SBF2: variants seen among roughly 807,000 people sequenced by gnomAD.
SBF2 encodes SET binding factor 2.
Under a neutral mutation model 225.2 loss-of-function variants are expected in SBF2, and 112 were observed. The ratio of observed to expected loss-of-function variants is 0.50; its 90% CI spans 0.43 to 0.58. SBF2 has a LOEUF of 0.58. SBF2 is among the 20% of genes least tolerant of loss of function. The pLI, the probability that SBF2 is intolerant of heterozygous loss-of-function variation, is 0.00. For synonymous variants in SBF2, 763 were observed against 773.3 expected (o/e 0.99, Z 0.22); for missense variants, 1,996 against 2,206.2 (o/e 0.90, Z 1.91).
intron 17 of SBF2, among the ~76,000 whole-genome samples, chr11:9,884,682 A>G (rs1208891765): frequency 6.6e-6 from 1 of 152,116 alleles, no homozygotes; most frequent in African/African-American, 2.4e-5. Flanking sequence ...GCTGACTAGA[A>G]CCTTGGCTCA....
At chr11:10,226,020 G>A (rs2135418709) in intron 1 of SBF2, among the ~76,000 whole-genome samples, 1 of 152,134 alleles carries the variant, frequency 6.6e-6, no homozygotes, top group East Asian at 1.9e-4. Flanking sequence ...ACACATATAA[G>A]CCTGTTTACT....
intron 34 of SBF2, among the ~76,000 whole-genome samples, chr11:9,790,169 A>G (rs958273673): frequency 6.6e-6 from 1 of 152,236 alleles, no homozygotes; most frequent in Non-Finnish European, 1.5e-5. Flanking sequence ...TGCTTCCTAC[A>G]GGGGTCCTTC....
intron 1 of SBF2, among the ~76,000 whole-genome samples, chr11:10,249,235 C>CA (rs144334000): frequency 1.3e-5 from 2 of 151,578 alleles, no homozygotes; most frequent in East Asian, 3.9e-4. Flanking sequence ...TGCTCTTTAA[C>CA]AAAAAAAATT....
At chr11:9,844,038 A>T (rs1055353397) in intron 24 of SBF2, among the ~76,000 whole-genome samples, 1 of 152,240 alleles carries the variant, frequency 6.6e-6, no homozygotes, top group African/African-American at 2.4e-5. Flanking sequence ...TTCTGAAACT[A>T]ATATAAATAT....
intron 1 of SBF2, among the ~76,000 whole-genome samples, chr11:10,228,264 C>G (rs1178164896): frequency 6.6e-6 from 1 of 152,194 alleles, no homozygotes; most frequent in Non-Finnish European, 1.5e-5. Flanking sequence ...ATGTCATCTG[C>G]AAACAGGGAC....
chr11:9,962,175 T>A, intron 15 of SBF2, 69 bp from the exon 16 acceptor site: 1 of 1,440,828 alleles, frequency 6.9e-7, no homozygotes, highest in Non-Finnish European at 9.8e-7. Flanking sequence ...CAAACAATCA[T>A]CCTGAAAATT....
chr11:10,294,303 A>C (rs2133634271), upstream of SBF2: 1 of 351,682 alleles, frequency 2.8e-6, no homozygotes, highest in East Asian at 4.2e-5. Flanking sequence ...CGGCGAGCCC[A>C]CCTCCACCCT....
chr11:9,992,341 A>T, intron 12 of SBF2, 74 bp downstream of exon 12: 1 of 1,220,018 alleles, frequency 8.2e-7, no homozygotes, highest in Middle Eastern at 2.0e-4. Context: ...AAATATGGAA[A>T]ATGTTACTTT....
chr11:9,829,511 T>G lies in SBF2; in HGVS notation c.3653-15A>C. 6.3e-7 allele frequency: 1 copy of G among 1,580,890 alleles called. No homozygotes were observed. Among genetic ancestry groups the G allele is most frequent in the Non-Finnish European group, 8.7e-7 (1 of 1,150,022 alleles). ...GGAGGTAGGAGCTATAAAAGGAAAA[T>G]ATATTGAATAAAATAAACTGTCTCT... On this transcript the variant is annotated splice_polypyrimidine_tract_variant and intron_variant, in intron 27 of 39. Coordinates refer to ENST00000256190, the MANE Select transcript of SBF2 (RefSeq NM_030962.4).
intron 2 of SBF2, among the ~76,000 whole-genome samples, chr11:10,171,746 A>G (rs75948396): frequency 0.021 from 3,156 of 152,310 alleles, 54 homozygotes; most frequent in Non-Finnish European, 0.033. Context: ...TGATATTAAT[A>G]GAATTCAGCA....
chr11:9,976,943 T>C (rs1390535747), intron 13 of SBF2, among the ~76,000 whole-genome samples: 1 of 151,944 alleles, frequency 6.6e-6, no homozygotes, highest in Non-Finnish European at 1.5e-5. Flanking sequence ...CTAATTTTTT[T>C]GTATTTTTAG....
intron 16 of SBF2, among the ~76,000 whole-genome samples, chr11:9,917,717 G>C (rs750420263): frequency 5.4e-5 from 8 of 149,270 alleles, no homozygotes; most frequent in Non-Finnish European, 1.0e-4. Context: ...CTTATGGTAC[G>C]TGCCTTCCTG....
At chr11:10,150,336 T>G (rs1254485870) in intron 2 of SBF2, among the ~76,000 whole-genome samples, 1 of 152,156 alleles carries the variant, frequency 6.6e-6, no homozygotes, top group Admixed American at 6.5e-5. Context: ...ATCTTAGTCA[T>G]GATTGGATAA....
intron 24 of SBF2, among the ~76,000 whole-genome samples, chr11:9,842,982 G>A (rs575071955): frequency 2.0e-4 from 30 of 152,260 alleles, no homozygotes; most frequent in Non-Finnish European, 3.8e-4. Context: ...ACTGTCTTAG[G>A]AAAAACGTGC....
At chr11:9,856,293 G>T (rs146612775) in intron 19 of SBF2, among the ~76,000 whole-genome samples, 165 bp downstream of exon 19, 8 of 152,172 alleles carry the variant, frequency 5.3e-5, no homozygotes, top group Admixed American at 4.6e-4. Flanking sequence ...AGGATGAAGT[G>T]AATCTTTTAG....
intron 32 of SBF2, among the ~76,000 whole-genome samples, chr11:9,798,859 A>G (rs932769679): frequency 2.0e-5 from 3 of 151,622 alleles, no homozygotes; most frequent in Non-Finnish European, 4.4e-5. Flanking sequence ...GGCTGAGGCA[A>G]GAGAATGGCA....
chr11:10,233,869 T>C (rs552503121), intron 1 of SBF2, among the ~76,000 whole-genome samples: 4 of 152,314 alleles, frequency 2.6e-5, no homozygotes, highest in East Asian at 3.9e-4. Context: ...ATCTTACTCT[T>C]GGTCTCCCTA....
chr11:10,059,491 A>T (rs985692212), intron 2 of SBF2, among the ~76,000 whole-genome samples: 1 of 152,138 alleles, frequency 6.6e-6, no homozygotes, highest in Non-Finnish European at 1.5e-5. Context: ...AATTAACCAA[A>T]ATATTCAGGA....
chr11:10,303,286 A>G lies in SBF2; in HGVS notation n.386+1206T>C, dbSNP rs1964614863. On this transcript the variant is annotated intron_variant and non_coding_transcript_variant, in intron 1 of 5. Transcript: ENST00000685217. The surrounding 1 kb of genome is among the most constrained non-coding windows in gnomAD (Gnocchi z 5.2). The stretch of plus-strand genomic sequence containing the variant: ...GCACTCCTCTAACCCTCCGCGTCCC[A>G]ACCCCTTACCAGGGCCAGGGTCAGG... 1.3e-5 allele frequency: 2 copies of G among 152,288 alleles called. No individual in the cohort carries two copies. Among genetic ancestry groups the G allele is most frequent in the African/African-American group, 4.8e-5 (2 of 41,442 alleles). 9.4% of individuals were successfully genotyped at this position (152,288 alleles called of 1,614,324 possible).
Sources: allele counts gnomAD v4.1 joint callset (sites outside exome capture counted in the v4.1 genomes callset), GRCh38; gene constraint gnomAD v4.1.1; non-coding constraint Gnocchi (gnomAD v3.1); transcripts MANE v1.5; gene names NCBI Gene and HGNC (gene_info 2026-07-23, HGNC 2026-07-21).